The following PDE1A variants were observed in gnomAD, a reference collection of about 807,000 sequenced individuals.
PDE1A encodes dual specificity calcium/calmodulin-dependent 3',5'-cyclic nucleotide phosphodiesterase 1A.
PDE1A carries 35 observed loss-of-function variants against 61.7 expected under a neutral mutation model. That is an observed-to-expected ratio of 0.57 (90% CI 0.43 to 0.75). The LOEUF is 0.75. Ranked by LOEUF, PDE1A falls within the 30% of genes least tolerant of loss-of-function variation. PDE1A has a pLI of 0.00. For synonymous variants in PDE1A, 232 were observed against 213.2 expected (o/e 1.09, Z -0.77); for missense variants, 597 against 630.6 (o/e 0.95, Z 0.57).
chr2:182,459,363 G>A (rs1686127977), intron 2 of PDE1A, among the ~76,000 whole-genome samples: 1 of 152,086 alleles, frequency 6.6e-6, no homozygotes, highest in Non-Finnish European at 1.5e-5. Context: ...AGTGCATATT[G>A]AGAGGAAGTT....
intron 2 of PDE1A, among the ~76,000 whole-genome samples, chr2:182,518,133 T>C (rs1410001120): frequency 6.6e-6 from 1 of 152,204 alleles, no homozygotes; most frequent in Non-Finnish European, 1.5e-5. Flanking sequence ...AGTAAAAGGA[T>C]CAAATTTGTG....
At chr2:182,150,652 G>A (rs1690728664) in intron 13 of PDE1A, among the ~76,000 whole-genome samples, 1 of 152,162 alleles carries the variant, frequency 6.6e-6, no homozygotes, top group African/African-American at 2.4e-5. Context: ...AAAATAATTT[G>A]TAAAATGATA....
intron 1 of PDE1A, among the ~76,000 whole-genome samples, chr2:182,266,492 T>G (rs184969471): frequency 3.3e-5 from 5 of 152,336 alleles, no homozygotes; most frequent in African/African-American, 1.2e-4. Flanking sequence ...TGAAAATTAC[T>G]TGAGTTCAGC....
chr2:182,566,717 A>T, the PDE1A span, among the ~76,000 whole-genome samples: 1 of 152,144 alleles, frequency 6.6e-6, no homozygotes, highest in South Asian at 2.1e-4. Flanking sequence ...AGCTGATCCT[A>T]GTGAGAGTGA....
chr2:182,466,624 G>A (rs1686687366), intron 2 of PDE1A, among the ~76,000 whole-genome samples: 1 of 151,962 alleles, frequency 6.6e-6, no homozygotes, highest in Non-Finnish European at 1.5e-5. Context: ...AGAGAGAAGA[G>A]GATTTAGAAT....
chr2:182,560,851 A>C, the PDE1A span, among the ~76,000 whole-genome samples: 1 of 152,170 alleles, frequency 6.6e-6, no homozygotes, highest in African/African-American at 2.4e-5. Context: ...TTTTGGCTGC[A>C]TAAATGTCTT....
the PDE1A span, among the ~76,000 whole-genome samples, chr2:182,633,490 G>T: frequency 1.3e-5 from 2 of 152,160 alleles, no homozygotes; most frequent in African/African-American, 2.4e-5. Context: ...TCTGCACTTG[G>T]AATATTCTTA....
chr2:182,521,081 A>G (rs1438578055), intron 2 of PDE1A, among the ~76,000 whole-genome samples: 1 of 152,066 alleles, frequency 6.6e-6, no homozygotes, highest in African/African-American at 2.4e-5. Flanking sequence ...AATGCACTGT[A>G]AAGCCATGTA....
intron 2 of PDE1A, among the ~76,000 whole-genome samples, chr2:182,520,793 G>C (rs114549585): frequency 1.3e-5 from 2 of 151,830 alleles, no homozygotes; most frequent in Non-Finnish European, 2.9e-5. Context: ...TAATTTTCCC[G>C]GTACTGATGT....
the PDE1A span, among the ~76,000 whole-genome samples, chr2:182,704,144 G>T: frequency 6.6e-6 from 1 of 150,726 alleles, no homozygotes; most frequent in Admixed American, 6.6e-5. Flanking sequence ...CCGGGGGGCA[G>T]AGGTTGCAGA....
At chr2:182,381,245 T>C (rs976900117) in intron 1 of PDE1A, among the ~76,000 whole-genome samples, 13 of 152,096 alleles carry the variant, frequency 8.5e-5, no homozygotes, top group African/African-American at 2.4e-4. Context: ...ACACAGACTA[T>C]GTTATTTTTC....
chr2:182,187,826 C>T (rs1685350813), intron 11 of PDE1A, among the ~76,000 whole-genome samples: 1 of 146,020 alleles, frequency 6.8e-6, no homozygotes, highest in Non-Finnish European at 1.5e-5. Context: ...CTCACTGCAA[C>T]CTCTGCCTCC....
At chr2:182,198,383 A>T (rs1483562827) in intron 10 of PDE1A, among the ~76,000 whole-genome samples, 8 of 151,882 alleles carry the variant, frequency 5.3e-5, no homozygotes, top group Admixed American at 5.2e-4. Context: ...CACTGGCTAG[A>T]ACTTCAAATG....
At chr2:182,637,055 A>G in the PDE1A span, among the ~76,000 whole-genome samples, 1 of 152,230 alleles carries the variant, frequency 6.6e-6, no homozygotes. Flanking sequence ...TTAAAGGCTC[A>G]TGTAATTAAG....
At chr2:182,201,443 A>G in exon 10 of PDE1A, 1 of 1,613,802 alleles carries the variant, frequency 6.2e-7, no homozygotes, top group Non-Finnish European at 8.5e-7. Context: ...AGGCACCTGC[A>G]GGAAAAACTC....
At chr2:182,385,709 C>T (rs974996486) in intron 1 of PDE1A, among the ~76,000 whole-genome samples, 5 of 135,774 alleles carry the variant, frequency 3.7e-5, no homozygotes, top group Admixed American at 7.2e-5. Context: ...AAAGAGCTCT[C>T]CCTCTCCCTC....
At chr2:182,662,562 A>G in the PDE1A span, among the ~76,000 whole-genome samples, 1 of 152,160 alleles carries the variant, frequency 6.6e-6, no homozygotes, top group African/African-American at 2.4e-5. Context: ...GATCTTTGAC[A>G]AAGTTGACAA....
upstream of PDE1A, among the ~76,000 whole-genome samples, chr2:182,427,909 G>A (rs750404115): frequency 1.3e-5 from 2 of 152,122 alleles, no homozygotes; most frequent in African/African-American, 2.4e-5. Context: ...AGGGAAAAAT[G>A]AGTAACGTGC....
At chr2:182,206,857 C>T (rs1256055347) in intron 7 of PDE1A, among the ~76,000 whole-genome samples, 2 of 152,142 alleles carry the variant, frequency 1.3e-5, no homozygotes, top group African/African-American at 4.8e-5. Flanking sequence ...CGCACTCTCT[C>T]CTGCCACCAT....
Sources: allele counts gnomAD v4.1 joint callset (sites outside exome capture counted in the v4.1 genomes callset), GRCh38; gene constraint gnomAD v4.1.1; transcripts MANE v1.5; gene names NCBI Gene and HGNC (gene_info 2026-07-23, HGNC 2026-07-21).